Variants in KCNH8 observed in about 807,000 individuals in gnomAD.
KCNH8 encodes potassium voltage-gated channel subfamily H member 8.
A neutral mutation model predicts 103.6 loss-of-function variants in KCNH8; 70 were observed. The ratio of observed to expected loss-of-function variants is 0.68; its 90% CI spans 0.56 to 0.82. The LOEUF (loss-of-function observed/expected upper bound fraction) is 0.82, where lower values mean the gene tolerates loss of function less well. KCNH8 is among the 40% of genes least tolerant of loss of function. The pLI is 0.00. For missense variants in KCNH8, 1,217 were observed against 1,329.9 expected, an observed-to-expected ratio of 0.92 and a Z score of 1.32; for synonymous variants, 498 against 489.4, an observed-to-expected ratio of 1.02 and a Z score of -0.23.
rs114174017 is a variant in KCNH8 at position 19,288,166 on chromosome 3, C to T, written c.442+6837C>T. On this transcript the variant is annotated intron_variant, in intron 3 of 15. Transcript: ENST00000328405. ...GTCATCTTTCTAAACCTTCTTGCAC[C>T]GGTGTATCAAACTTCTTTTTTTTTT... 4.9e-3 allele frequency among the ~76,000 whole-genome samples: 636 copies of T among 130,898 alleles called. 3 individuals are homozygous for T. Among genetic ancestry groups the T allele is most frequent in the African/African-American group, 0.02 (606 of 30,140 alleles). The allele number at this position is 130,898 out of a possible 152,430, so 85.9% of individuals were successfully genotyped here. A position where few individuals can be genotyped will look rare whatever the true frequency, so the allele number is the denominator to read the frequency against.
chr3:19,154,763 TG>T (rs1373135547), intron 1 of KCNH8, among the ~76,000 whole-genome samples: 1 of 152,194 alleles, frequency 6.6e-6, no homozygotes, highest in Non-Finnish European at 1.5e-5. Context: ...GTTATGTCCT[TG>T]GTCAAGAAAA....
At chr3:19,368,854 TA>T (rs1191689527) in intron 5 of KCNH8, among the ~76,000 whole-genome samples, 1 of 152,038 alleles carries the variant, frequency 6.6e-6, no homozygotes, top group Non-Finnish European at 1.5e-5. Context: ...TGTCTAATTT[TA>T]AAAATTTATT....
intron 7 of KCNH8, among the ~76,000 whole-genome samples, chr3:19,407,843 A>G (rs954062532): frequency 5.3e-5 from 8 of 152,022 alleles, no homozygotes; most frequent in African/African-American, 1.2e-4. Context: ...AGCTGCCCCT[A>G]TTACCATGCA....
chr3:19,172,642 C>T (rs2063359093), intron 1 of KCNH8, among the ~76,000 whole-genome samples: 1 of 152,080 alleles, frequency 6.6e-6, no homozygotes. Flanking sequence ...TCATTTAATC[C>T]ACATAACAGT....
In KCNH8 at chr3:19,263,967, A is replaced by G. The variant is rs576505604; in HGVS notation, c.310+10080A>G. Among the ~76,000 whole-genome samples the G allele has an allele frequency of 3.3e-5, 5 of 152,126 alleles. No homozygotes were observed. The South Asian group carries it at 8.3e-4, about 25-fold the overall frequency. On this transcript the variant is annotated intron_variant, in intron 2 of 15. Coordinates refer to ENST00000328405, the MANE Select transcript of KCNH8 (RefSeq NM_144633.3). ...TTCTTTCAACTAAGTGTATTCGAGA[A>G]TGTTGGGTCAGATTATTGTGACTAC...
rs183088573 is a variant in KCNH8, at chr3:19,379,024, T to C, written c.812-11457T>C. Among the ~76,000 whole-genome samples the C allele has an allele frequency of 5.5e-3, 833 of 151,352 alleles. 4 individuals are homozygous for C. The highest frequency in any genetic ancestry group is 0.019 in the African/African-American group (783 of 41,498). On this transcript the variant is annotated intron_variant, in intron 5 of 15. Transcript: ENST00000328405. The stretch of plus-strand genomic sequence containing the variant: ...TTACATGTTCATTAAAGGTACCACA[T>C]AAAAGTAAGAAGAAAAATAGTAAGC...
At chr3:19,491,004 CTG>C (rs1444571185) in intron 11 of KCNH8, among the ~76,000 whole-genome samples, 1 of 152,148 alleles carries the variant, frequency 6.6e-6, no homozygotes, top group Non-Finnish European at 1.5e-5. Context: ...AAAAAATACT[CTG>C]GGCAGAATCT....
chr3:19,276,852 C>G (rs1274637414), intron 2 of KCNH8, among the ~76,000 whole-genome samples: 1 of 152,050 alleles, frequency 6.6e-6, no homozygotes, highest in Non-Finnish European at 1.5e-5. Context: ...AATTCCATTA[C>G]CATGTATATA....
At chr3:19,260,966 T>TCATA (rs2125258752) in intron 2 of KCNH8, among the ~76,000 whole-genome samples, 1 of 122,560 alleles carries the variant, frequency 8.2e-6, no homozygotes, top group East Asian at 2.6e-4. Context: ...TGAATAATAT[T>TCATA]CATATATATA....
At chr3:19,289,104 T>C (rs2125280083) in intron 3 of KCNH8, among the ~76,000 whole-genome samples, 1 of 152,264 alleles carries the variant, frequency 6.6e-6, no homozygotes, top group African/African-American at 2.4e-5. Context: ...TTGTTTGAGT[T>C]CATTGTAGAT....
intron 12 of KCNH8, among the ~76,000 whole-genome samples, chr3:19,511,988 T>C (rs1207755607): frequency 6.6e-6 from 1 of 152,158 alleles, no homozygotes; most frequent in African/African-American, 2.4e-5. Context: ...TCAATAACCA[T>C]GACAGCCCAG....
intron 7 of KCNH8, among the ~76,000 whole-genome samples, chr3:19,428,438 C>T (rs892523869): frequency 6.6e-6 from 1 of 152,022 alleles, no homozygotes; most frequent in Non-Finnish European, 1.5e-5. Context: ...TTTCTACTTA[C>T]GGAACTGGGA....
At chr3:19,295,347 G>A (rs1431392532) in intron 3 of KCNH8, among the ~76,000 whole-genome samples, 1 of 151,796 alleles carries the variant, frequency 6.6e-6, no homozygotes, top group Non-Finnish European at 1.5e-5. Flanking sequence ...GCATGCCACT[G>A]TGCTCCAGCC....
At chr3:19,348,281 G>A (rs2065754459) in intron 5 of KCNH8, among the ~76,000 whole-genome samples, 2 of 152,170 alleles carry the variant, frequency 1.3e-5, no homozygotes, top group Admixed American at 1.3e-4. Flanking sequence ...AACTGGTAGG[G>A]TCAGAGATGG....
intron 5 of KCNH8, among the ~76,000 whole-genome samples, chr3:19,377,670 G>A (rs942916992): frequency 2.0e-5 from 3 of 152,154 alleles, no homozygotes; most frequent in African/African-American, 7.2e-5. Context: ...TTGAGATGAT[G>A]CTGATCAACA....
chr3:19,349,025 G>A (rs1273457627), intron 5 of KCNH8, among the ~76,000 whole-genome samples: 1 of 151,668 alleles, frequency 6.6e-6, no homozygotes, highest in East Asian at 2.0e-4. Context: ...GTATGGCTTG[G>A]CATCGTTATT....
Position 19,510,349 on chromosome 3 carries a change from G to T in KCNH8, c.2041-14G>T. 6.5e-7 allele frequency: 1 copy of T among 1,540,516 alleles called. No homozygotes were observed. Among genetic ancestry groups the T allele is most frequent in the East Asian group, 2.3e-5 (1 of 44,438 alleles). ...GATATGTAAAATGATTAATACTTCTGTTTGTTCTTTCAGGTGATATCAAGA... is the reference window on the plus strand; with the variant it reads ...GATATGTAAAATGATTAATACTTCTTTTTGTTCTTTCAGGTGATATCAAGA... On this transcript the variant is annotated splice_polypyrimidine_tract_variant and intron_variant, in intron 11 of 15. Coordinates refer to ENST00000328405, the MANE Select transcript of KCNH8 (RefSeq NM_144633.3).
chr3:19,366,066 C>T (rs988327848), intron 5 of KCNH8, among the ~76,000 whole-genome samples: 3 of 151,964 alleles, frequency 2.0e-5, no homozygotes, highest in African/African-American at 7.2e-5. Context: ...ATCCTTCGAG[C>T]ATTTTTGGTC....
intron 5 of KCNH8, among the ~76,000 whole-genome samples, chr3:19,356,426 T>C (rs1239822880): frequency 1.3e-5 from 2 of 152,020 alleles, no homozygotes; most frequent in African/African-American, 4.8e-5. Flanking sequence ...ATTGTAATTA[T>C]GCTAGTCAAA....
Sources: gnomAD v4.1 joint callset for allele counts (sites outside exome capture counted in the v4.1 genomes callset) on GRCh38, gnomAD v4.1.1 for gene constraint, MANE v1.5 for transcripts, NCBI Gene and HGNC (gene_info 2026-07-23, HGNC 2026-07-21) for gene names.